PLD1: variants seen among roughly 807,000 people sequenced by gnomAD.
PLD1 encodes the protein phospholipase D1, also known as choline phosphatase 1.
PLD1 carries 112 observed loss-of-function variants against 137.1 expected under a neutral mutation model. The observed-to-expected ratio is 0.82, with a 90% confidence interval of 0.70 to 0.96. PLD1 has a LOEUF of 0.96. PLD1 is among the 40% of genes least tolerant of loss of function. PLD1 has a pLI of 0.00. For synonymous variants in PLD1, 431 were observed against 454.7 expected (o/e 0.95, Z 0.66); for missense variants, 1,321 against 1,342.0 (o/e 0.98, Z 0.24).
chr3:171,618,950 G>A (rs1733359649), intron 24 of PLD1, among the ~76,000 whole-genome samples: 1 of 151,952 alleles, frequency 6.6e-6, no homozygotes. Flanking sequence ...TTCAAATCAT[G>A]TTCCAGATAA....
chr3:171,731,775 A>G (rs960146086), intron 6 of PLD1, among the ~76,000 whole-genome samples: 1 of 152,178 alleles, frequency 6.6e-6, no homozygotes. Context: ...CCATCCCAAA[A>G]AAGAAAAAAA....
At chr3:171,694,413 G>C (rs965764204) in intron 12 of PLD1, among the ~76,000 whole-genome samples, 29 of 152,184 alleles carry the variant, frequency 1.9e-4, no homozygotes, top group African/African-American at 6.3e-4. Flanking sequence ...TAATTTTAAT[G>C]GTCTGGCCAG....
intron 25 of PLD1, among the ~76,000 whole-genome samples, chr3:171,606,480 A>G (rs1053510573): frequency 5.9e-5 from 9 of 152,182 alleles, no homozygotes; most frequent in African/African-American, 1.9e-4. Context: ...AGTTCACCAA[A>G]TAAGTGAGTA....
chr3:171,697,234 C>T (rs1715791529), intron 12 of PLD1, among the ~76,000 whole-genome samples: 2 of 135,166 alleles, frequency 1.5e-5, no homozygotes, highest in Admixed American at 7.5e-5. Flanking sequence ...ACCTTCCGGA[C>T]ACCTTTTTTT....
chr3:171,716,219 C>T (rs1415472328), intron 8 of PLD1, among the ~76,000 whole-genome samples: 1 of 152,084 alleles, frequency 6.6e-6, no homozygotes, highest in African/African-American at 2.4e-5. Context: ...TGAGTCTTTA[C>T]AGTAGAATGG....
At chr3:171,695,108 T>C (rs563512338) in intron 12 of PLD1, among the ~76,000 whole-genome samples, 1 of 152,334 alleles carries the variant, frequency 6.6e-6, no homozygotes, top group East Asian at 1.9e-4. Flanking sequence ...TTATAAACTC[T>C]AGCCATAAAG....
chr3:171,605,723 A>G (rs1387763682), intron 25 of PLD1, among the ~76,000 whole-genome samples: 1 of 152,242 alleles, frequency 6.6e-6, no homozygotes, highest in Non-Finnish European at 1.5e-5. Flanking sequence ...ATTAAAAAGC[A>G]CTTCCACCTT....
chr3:171,669,702 G>A (rs1464635678), intron 19 of PLD1, among the ~76,000 whole-genome samples: 1 of 152,214 alleles, frequency 6.6e-6, no homozygotes, highest in Non-Finnish European at 1.5e-5. Flanking sequence ...CGCCCAGCCT[G>A]TTGCAAACTT....
At chr3:171,631,081 A>G (rs1734621202) in intron 23 of PLD1, among the ~76,000 whole-genome samples, 1 of 152,150 alleles carries the variant, frequency 6.6e-6, no homozygotes, top group Non-Finnish European at 1.5e-5. Flanking sequence ...ATATAAACCA[A>G]AGTAAATGAA....
At chr3:171,766,996 G>C (rs998011182) in intron 1 of PLD1, among the ~76,000 whole-genome samples, 2 of 151,992 alleles carry the variant, frequency 1.3e-5, no homozygotes, top group African/African-American at 4.8e-5. Flanking sequence ...TCATAATCTT[G>C]GTTATCCACT....
intron 14 of PLD1, 96 bp from the exon 15 acceptor site, chr3:171,687,680 T>C (rs1714720455): frequency 2.6e-6 from 2 of 758,848 alleles, no homozygotes; most frequent in South Asian, 1.8e-5. Context: ...AGTTTACAAA[T>C]GATGGAGGTT....
chr3:171,736,152 C>T (rs1309768922), intron 3 of PLD1, among the ~76,000 whole-genome samples: 1 of 152,202 alleles, frequency 6.6e-6, no homozygotes, highest in Non-Finnish European at 1.5e-5. Context: ...CTATACCACC[C>T]ACCCACCCTA....
intron 17 of PLD1, 96 bp downstream of exon 17, chr3:171,677,470 A>C: frequency 1.2e-5 from 15 of 1,269,482 alleles, no homozygotes; most frequent in Non-Finnish European, 1.6e-5. Context: ...ACGGAAGCAA[A>C]ACAAAAGGCA....
Position 171,669,765 on chromosome 3 carries a change from A to G in PLD1, c.2229+4735T>C, listed in dbSNP as rs563743317. On this transcript the variant is annotated intron_variant, in intron 19 of 26. Coordinates refer to ENST00000351298, the MANE Select transcript of PLD1 (RefSeq NM_002662.5). ...TGTTTTTGATGGAACTCAAACTGGTATACTCTTCTAAATGCTTTGCATGGA... is the reference window on the plus strand; with the variant it reads ...TGTTTTTGATGGAACTCAAACTGGTGTACTCTTCTAAATGCTTTGCATGGA... Among the ~76,000 whole-genome samples, 33 of 152,364 alleles carry G rather than the reference A, an allele frequency of 2.2e-4. No individual in the cohort carries two copies. The South Asian group carries it at 6.4e-3, about 30-fold the overall frequency.
At chr3:171,764,884 AAAGAAAGAAAGGAAGGAAGGAAGGAAG>A (rs1560288527) in intron 1 of PLD1, among the ~76,000 whole-genome samples, 2 of 19,924 alleles carry the variant, frequency 1.0e-4, no homozygotes, top group African/African-American at 3.6e-4. Flanking sequence ...AGAAAGAAAG[AAAGAAAGAAAGGAAGGAAGGAAGGAAG>A]GAAAGAAAGA....
intron 1 of PLD1, among the ~76,000 whole-genome samples, chr3:171,748,128 C>T (rs1720384751): frequency 6.6e-6 from 1 of 152,112 alleles, no homozygotes; most frequent in African/African-American, 2.4e-5. Context: ...TCCGAGTCAA[C>T]GTCTAAGAAG....
intron 11 of PLD1, 91 bp downstream of exon 11, chr3:171,708,664 C>A (rs1179379267): frequency 2.7e-5 from 19 of 716,086 alleles, no homozygotes; most frequent in Non-Finnish European, 4.0e-5. Context: ...AGCTGATTTT[C>A]ATAATGTGTA....
intron 25 of PLD1, among the ~76,000 whole-genome samples, chr3:171,611,100 C>T (rs1187862956): frequency 6.6e-6 from 1 of 152,206 alleles, no homozygotes; most frequent in East Asian, 1.9e-4. Flanking sequence ...CAGCGCAGTG[C>T]CCTTCCCGAA....
chr3:171,649,387 G>C (rs1353088109), intron 21 of PLD1, among the ~76,000 whole-genome samples: 1 of 152,090 alleles, frequency 6.6e-6, no homozygotes, highest in Non-Finnish European at 1.5e-5. Flanking sequence ...TAGAAAAAAG[G>C]GCTCTGGAAT....
Sources: gnomAD v4.1 joint callset for allele counts (sites outside exome capture counted in the v4.1 genomes callset) on GRCh38, gnomAD v4.1.1 for gene constraint, MANE v1.5 for transcripts, NCBI Gene and HGNC (gene_info 2026-07-23, HGNC 2026-07-21) for gene names.